Variants in TPST1 observed in about 807,000 individuals in gnomAD.
TPST1 encodes the protein tyrosylprotein sulfotransferase 1.
Under a neutral mutation model 34.8 loss-of-function variants are expected in TPST1, and 20 were observed. The observed-to-expected ratio is 0.57, with a 90% CI of 0.40 to 0.84. The LOEUF (loss-of-function observed/expected upper bound fraction) is 0.84. TPST1 is among the 40% of genes least tolerant of loss of function. The pLI is 0.00. For missense variants in TPST1, 353 were observed against 455.5 expected (o/e 0.78, Z 2.05); for synonymous variants, 152 against 159.4 (o/e 0.95, Z 0.35).
intron 2 of TPST1, among the ~76,000 whole-genome samples, chr7:66,273,538 A>G (rs1790744516): frequency 6.6e-6 from 1 of 152,230 alleles, no homozygotes; most frequent in African/African-American, 2.4e-5. Context: ...CTGTAAAGCT[A>G]TAGTAATCAG....
intron 2 of TPST1, among the ~76,000 whole-genome samples, chr7:66,276,385 T>TATATATATATATATATATATATATG (rs1431495136): frequency 2.2e-5 from 3 of 137,748 alleles, no homozygotes; most frequent in Admixed American, 7.2e-5. Flanking sequence ...TATATATGTA[T>TATATATATATATATATATATATATG]TTTTTTGAGG....
In TPST1 at chr7:66,241,413, A is replaced by C. The variant is rs1158400002; in HGVS notation, c.845+143A>C. 2.5e-5 allele frequency: 24 copies of C among 963,324 alleles called. No homozygotes were observed. The East Asian group carries it at 6.1e-4, about 25-fold the overall frequency. The allele number at this position is 963,324 out of a possible 1,614,324, so 59.7% of individuals were successfully genotyped here. On this transcript the variant is annotated intron_variant, in intron 2 of 5. Transcript: ENST00000304842. ...ACTGAAGACCTTTTCTGGAACAGAT[A>C]CAGCTTCATTGATGAGGTTTCTTTT...
At chr7:66,299,328 GTGTT>G (rs1330370354) in intron 3 of TPST1, among the ~76,000 whole-genome samples, 1 of 138,080 alleles carries the variant, frequency 7.2e-6, no homozygotes, top group Non-Finnish European at 1.6e-5. Flanking sequence ...ATTTGAAAAT[GTGTT>G]TGTTTTTTTT....
chr7:66,218,199 T>C (rs139582136), intron 1 of TPST1, among the ~76,000 whole-genome samples: 1 of 152,284 alleles, frequency 6.6e-6, no homozygotes, highest in East Asian at 1.9e-4. Flanking sequence ...TTCATTCTAA[T>C]GTCATTTTCT....
chr7:66,301,440 T>G (rs1335865653), intron 3 of TPST1, among the ~76,000 whole-genome samples: 1 of 152,246 alleles, frequency 6.6e-6, no homozygotes, highest in Non-Finnish European at 1.5e-5. Flanking sequence ...ACTTTTCCTT[T>G]GTATTCACAA....
intron 3 of TPST1, among the ~76,000 whole-genome samples, chr7:66,308,497 A>G (rs1266945194): frequency 6.6e-6 from 1 of 152,008 alleles, no homozygotes; most frequent in Non-Finnish European, 1.5e-5. Context: ...AGTCCTAGGG[A>G]CACCATCACC....
At chr7:66,261,108 T>C (rs1337582539) in intron 2 of TPST1, among the ~76,000 whole-genome samples, 4 of 152,238 alleles carry the variant, frequency 2.6e-5, no homozygotes, top group African/African-American at 7.2e-5. Flanking sequence ...AGTCTGGATA[T>C]TTTCTCAAGG....
chr7:66,357,955 G>T, intron 5 of TPST1, among the ~76,000 whole-genome samples: 1 of 152,128 alleles, frequency 6.6e-6, no homozygotes, highest in Non-Finnish European at 1.5e-5. Flanking sequence ...GTGGTGGCAG[G>T]GACCTGTAAT....
chr7:66,265,926 G>T (rs572388801), intron 2 of TPST1, among the ~76,000 whole-genome samples: 1 of 152,100 alleles, frequency 6.6e-6, no homozygotes, highest in Non-Finnish European at 1.5e-5. Flanking sequence ...AGAGAAAGAA[G>T]ATATTCCTCA....
intron 2 of TPST1, among the ~76,000 whole-genome samples, chr7:66,254,669 G>A (rs568132625): frequency 5.3e-5 from 8 of 152,284 alleles, no homozygotes; most frequent in Non-Finnish European, 1.0e-4. Context: ...CTCCCAAAGC[G>A]TTGGGATTAT....
At chr7:66,281,346 A>G (rs1470817947) in intron 2 of TPST1, among the ~76,000 whole-genome samples, 1 of 152,166 alleles carries the variant, frequency 6.6e-6, no homozygotes, top group African/African-American at 2.4e-5. Context: ...ACCTCATAGA[A>G]TAAGTTGGCA....
upstream of TPST1, among the ~76,000 whole-genome samples, chr7:66,203,516 C>T (rs1253935571): frequency 6.1e-4 from 91 of 148,374 alleles, no homozygotes; most frequent in African/African-American, 2.3e-3. Context: ...GACGGAGTCT[C>T]ACTCTGTTGC....
At chr7:66,316,806 T>C (rs1488202802) in intron 3 of TPST1, among the ~76,000 whole-genome samples, 1 of 152,202 alleles carries the variant, frequency 6.6e-6, no homozygotes, top group East Asian at 1.9e-4. Flanking sequence ...GCAAAAATTA[T>C]TCATTTTTCA....
intron 2 of TPST1, among the ~76,000 whole-genome samples, chr7:66,273,558 G>T (rs1790744733): frequency 1.3e-5 from 2 of 152,116 alleles, no homozygotes; most frequent in Non-Finnish European, 1.5e-5. Flanking sequence ...GAATAGCATG[G>T]TACTGGCATA....
chr7:66,349,868 C>A (rs1792437312), intron 3 of TPST1, among the ~76,000 whole-genome samples: 1 of 152,178 alleles, frequency 6.6e-6, no homozygotes, highest in Non-Finnish European at 1.5e-5. Context: ...TCAGCCCCTC[C>A]ACTGGGCATG....
chr7:66,283,200 A>G (rs1790967460), intron 2 of TPST1, among the ~76,000 whole-genome samples: 1 of 151,964 alleles, frequency 6.6e-6, no homozygotes, highest in Non-Finnish European at 1.5e-5. Flanking sequence ...GGCAGAGGTT[A>G]TAGTGTGCTG....
At chr7:66,336,459 T>C (rs1792123953) in intron 3 of TPST1, among the ~76,000 whole-genome samples, 1 of 152,054 alleles carries the variant, frequency 6.6e-6, no homozygotes, top group Non-Finnish European at 1.5e-5. Flanking sequence ...AACAATACAG[T>C]AACTGAACTG....
intron 1 of TPST1, among the ~76,000 whole-genome samples, chr7:66,224,898 A>ATTTT (rs1385577766): frequency 1.1e-4 from 5 of 46,136 alleles, no homozygotes; most frequent in Admixed American, 2.2e-4. Context: ...ACATTCTGGT[A>ATTTT]TTCTTTTTTT....
chr7:66,334,486 A>G (rs1180990352), intron 3 of TPST1, among the ~76,000 whole-genome samples: 1 of 151,748 alleles, frequency 6.6e-6, no homozygotes, highest in Non-Finnish European at 1.5e-5. Flanking sequence ...AAATACAAAC[A>G]TTAGCTGGGC....
Sources: gnomAD v4.1 joint callset for allele counts (sites outside exome capture counted in the v4.1 genomes callset) on GRCh38, gnomAD v4.1.1 for gene constraint, MANE v1.5 for transcripts, NCBI Gene and HGNC (gene_info 2026-07-23, HGNC 2026-07-21) for gene names.